The following PAWR variants were observed in gnomAD, a reference collection of about 807,000 sequenced individuals.
The protein encoded by PAWR is pro-apoptotic WT1 regulator.
In PAWR, 23 loss-of-function variants were observed where a neutral mutation model predicts 32.0. That is an observed-to-expected ratio of 0.72 (90% CI 0.52 to 1.02). The LOEUF (loss-of-function observed/expected upper bound fraction) is 1.02. Ranked by LOEUF, PAWR falls within the 50% of genes least tolerant of loss-of-function variation. The pLI, the probability that PAWR is intolerant of heterozygous loss-of-function variation, is 0.00. For synonymous variants in PAWR, 226 were observed against 187.1 expected, an observed-to-expected ratio of 1.21 and a Z score of -1.70; for missense variants, 457 against 437.7, an observed-to-expected ratio of 1.04 and a Z score of -0.39.
At chr12:79,658,508 T>TA (rs1455430808) in intron 2 of PAWR, among the ~76,000 whole-genome samples, 10 of 152,164 alleles carry the variant, frequency 6.6e-5, no homozygotes, top group African/African-American at 2.4e-4. Context: ...AACTTATGTT[T>TA]ACATACAGAT....
rs998642856 is a variant in PAWR at position 79,689,622 on chromosome 12, G to C, written c.516+107C>G. 3.2e-5 allele frequency: 40 copies of C among 1,249,414 alleles called. No homozygotes were observed. In the Admixed American group the frequency reaches 9.6e-4, roughly 30 times the overall value. The allele number at this position is 1,249,414 out of a possible 1,614,324, so 77.4% of individuals were successfully genotyped here. A position where few individuals can be genotyped will look rare whatever the true frequency, so the allele number is the denominator to read the frequency against. On this transcript the variant is annotated intron_variant, in intron 2 of 6. Transcript: ENST00000328827. The stretch of plus-strand genomic sequence containing the variant: ...CCTAACTCGGTGAAGGGACAAGTAC[G>C]AGCCAGGGGAGGTAAACTCTGCGCC...
At chr12:79,639,156 C>A (rs1017372738) in intron 2 of PAWR, among the ~76,000 whole-genome samples, 3 of 151,034 alleles carry the variant, frequency 2.0e-5, no homozygotes, top group African/African-American at 7.3e-5. Context: ...CGTGATCTGC[C>A]CGCCTCAGCC....
chr12:79,648,686 G>A (rs987667309), intron 2 of PAWR, among the ~76,000 whole-genome samples: 1 of 151,194 alleles, frequency 6.6e-6, no homozygotes, highest in Non-Finnish European at 1.5e-5. Flanking sequence ...CTACCAGGGA[G>A]GCAGAGGTGG....
chr12:79,639,099 G>A (rs1876154477), intron 2 of PAWR, among the ~76,000 whole-genome samples: 1 of 149,412 alleles, frequency 6.7e-6, no homozygotes, highest in African/African-American at 2.5e-5. Context: ...TTTTAGTAGA[G>A]ACAGGGTTTC....
At chr12:79,678,955 T>C (rs913599445) in intron 2 of PAWR, among the ~76,000 whole-genome samples, 2 of 150,408 alleles carry the variant, frequency 1.3e-5, no homozygotes, top group African/African-American at 4.9e-5. Flanking sequence ...TGAAGTGCAG[T>C]GGCATTATCA....
intron 4 of PAWR, among the ~76,000 whole-genome samples, chr12:79,611,387 T>A (rs1168307048): frequency 1.3e-5 from 2 of 150,752 alleles, no homozygotes; most frequent in East Asian, 3.9e-4. Context: ...CTGAAAATAT[T>A]TTCTTACATG....
intron 2 of PAWR, among the ~76,000 whole-genome samples, chr12:79,635,284 T>C (rs182442646): frequency 2.2e-4 from 34 of 152,222 alleles, no homozygotes; most frequent in African/African-American, 7.9e-4. Context: ...AGTCTCTACT[T>C]TGGCCATAAT....
At chr12:79,654,142 G>T (rs1420643724) in intron 2 of PAWR, among the ~76,000 whole-genome samples, 1 of 152,174 alleles carries the variant, frequency 6.6e-6, no homozygotes, top group Non-Finnish European at 1.5e-5. Context: ...TGGTCCTTAA[G>T]AGACAGGGAA....
chr12:79,659,588 T>C (rs999955111), intron 2 of PAWR, among the ~76,000 whole-genome samples: 36 of 152,258 alleles, frequency 2.4e-4, no homozygotes, highest in African/African-American at 8.7e-4. Context: ...GTTAATAAAA[T>C]TTTTCCATGG....
At chr12:79,635,324 C>A (rs1481098410) in intron 2 of PAWR, among the ~76,000 whole-genome samples, 1 of 151,922 alleles carries the variant, frequency 6.6e-6, no homozygotes, top group African/African-American at 2.4e-5. Context: ...TTTCATAATA[C>A]CTAAAAGGTA....
At chr12:79,620,298 C>T (rs1874941541) in intron 3 of PAWR, among the ~76,000 whole-genome samples, 1 of 152,112 alleles carries the variant, frequency 6.6e-6, no homozygotes, top group African/African-American at 2.4e-5. Context: ...CCTTCCTTTC[C>T]TGAATAATTA....
At chr12:79,605,523 T>C (rs2136686223) in intron 4 of PAWR, among the ~76,000 whole-genome samples, 1 of 152,078 alleles carries the variant, frequency 6.6e-6, no homozygotes, top group South Asian at 2.1e-4. Flanking sequence ...TACATTCTTT[T>C]TTTTTTAAAA....
At chr12:79,643,403 T>G (rs1417524388) in intron 2 of PAWR, among the ~76,000 whole-genome samples, 1 of 152,050 alleles carries the variant, frequency 6.6e-6, no homozygotes, top group Non-Finnish European at 1.5e-5. Flanking sequence ...CTTTTAAAAG[T>G]AGAAACCAAG....
intron 2 of PAWR, among the ~76,000 whole-genome samples, chr12:79,679,670 G>A (rs1268075379): frequency 1.3e-5 from 2 of 152,160 alleles, no homozygotes; most frequent in Admixed American, 1.3e-4. Flanking sequence ...AGCAGTGGGG[G>A]ATATGCTAGA....
Position 79,632,336 on chromosome 12 carries a change from TATATATATATATATATATATATATA to T in PAWR, c.517-11154_517-11130del, listed in dbSNP as rs1566011002. On this transcript the variant is annotated intron_variant, in intron 2 of 6. Transcript: ENST00000328827. Reference sequence around the variant, plus strand: ...ACATATATATATATATATATATATATATATATATATATATATATATATATATTTTTTTTTTTTTTTAGACAGGGTC... The same window carrying T: ...ACATATATATATATATATATATATATTTTTTTTTTTTTTTTAGACAGGGTC... 5.4e-4 allele frequency among the ~76,000 whole-genome samples: 31 copies of T among 57,528 alleles called. 1 individual carries two copies. Among genetic ancestry groups the T allele is most frequent in the African/African-American group, 4.7e-3 (22 of 4,656 alleles). The allele number at this position is 57,528 out of a possible 152,430, so 37.7% of individuals were successfully genotyped here.
At chr12:79,676,344 TTC>T (rs1878164762) in intron 2 of PAWR, among the ~76,000 whole-genome samples, 1 of 152,192 alleles carries the variant, frequency 6.6e-6, no homozygotes, top group African/African-American at 2.4e-5. Flanking sequence ...TATAAGCAAT[TTC>T]TGATTTAATC....
At chr12:79,630,645 C>T (rs551977846) in intron 2 of PAWR, among the ~76,000 whole-genome samples, 124 of 151,898 alleles carry the variant, frequency 8.2e-4, no homozygotes, top group Middle Eastern at 3.4e-3. Context: ...TGACAAATTC[C>T]GTGAAAGACT....
chr12:79,628,079 T>A (rs1875429706), intron 2 of PAWR, among the ~76,000 whole-genome samples: 1 of 152,116 alleles, frequency 6.6e-6, no homozygotes, highest in Non-Finnish European at 1.5e-5. Flanking sequence ...TCAGCAAATG[T>A]AAAAGAACAG....
chr12:79,585,683 T>C lies in PAWR; in HGVS notation c.*6924A>G, dbSNP rs1412667504. On this transcript the variant is annotated 3_prime_UTR_variant, in exon 7 of 7. Transcript: ENST00000328827. ...TTAAAGTTATGCTCAAATTGTTACCTGAGATGCTTTGCTTCATTGAAACTA... is the reference window on the plus strand; with the variant it reads ...TTAAAGTTATGCTCAAATTGTTACCCGAGATGCTTTGCTTCATTGAAACTA... 1 of 152,388 alleles carries C rather than the reference T, an allele frequency of 6.6e-6. No individual in the cohort carries two copies. The highest frequency in any genetic ancestry group is 2.4e-5 in the African/African-American group (1 of 41,450). The allele number at this position is 152,388 out of a possible 1,614,324, so 9.4% of individuals were successfully genotyped here.
Sources: gnomAD v4.1 joint callset for allele counts (sites outside exome capture counted in the v4.1 genomes callset) on GRCh38, gnomAD v4.1.1 for gene constraint, MANE v1.5 for transcripts, NCBI Gene and HGNC (gene_info 2026-07-23, HGNC 2026-07-21) for gene names.